Variants in ANKRD44 observed in about 807,000 individuals in gnomAD.
The protein encoded by ANKRD44 is serine/threonine-protein phosphatase 6 regulatory ankyrin repeat subunit B.
ANKRD44 carries 35 observed loss-of-function variants against 116.0 expected under a neutral mutation model. The ratio of observed to expected loss-of-function variants is 0.30; its 90% CI spans 0.23 to 0.40. The LOEUF is 0.40. Among genes scored for constraint, ANKRD44 ranks in the 10% least tolerant of loss-of-function variants. The pLI, the probability that ANKRD44 is intolerant of heterozygous loss-of-function variation, is 1.00. For synonymous variants in ANKRD44, 435 were observed against 461.8 expected (o/e 0.94, Z 0.74); for missense variants, 1,014 against 1,242.6 (o/e 0.82, Z 2.77).
chr2:197,122,682 C>T lies in ANKRD44; in HGVS notation c.661G>A (p.Val221Ile), dbSNP rs1559081488. The T allele has an allele frequency of 1.2e-6, 2 of 1,614,072 alleles. No individual in the cohort carries two copies. Among genetic ancestry groups the T allele is most frequent in the Admixed American group, 1.7e-5 (1 of 60,010 alleles). ...CCCAGGTTCAGGAGATGCTTGACAA[C>T]ATTAATCTGTCCATTGGAGGCTGCA... is the stretch of plus-strand genomic sequence containing the variant. ...HAAASNGQIN[V>I]VKHLLNLGVE... The change falls in exon 7 of 28, where the codon GTT becomes ATT. Residue 221 changes from valine (V) to isoleucine (I), a missense_variant. Physicochemically the swap from Val to Ile is conservative, Grantham distance 29. Coordinates refer to ENST00000282272, the MANE Select transcript of ANKRD44 (RefSeq NM_001195144.2).
chr2:197,113,994 G>T (rs2078651095), intron 8 of ANKRD44, among the ~76,000 whole-genome samples: 1 of 152,222 alleles, frequency 6.6e-6, no homozygotes, highest in South Asian at 2.1e-4. Context: ...GGGTGTAAAG[G>T]GAGCTCATTA....
Position 197,212,495 on chromosome 2 carries a change from C to T in ANKRD44, c.28-25389G>A, listed in dbSNP as rs375600824. Among the ~76,000 whole-genome samples the T allele has an allele frequency of 1.2e-4, 18 of 152,274 alleles. No individual in the cohort carries two copies. The highest frequency in any genetic ancestry group is 2.2e-4 in the African/African-American group (9 of 41,552). ...CATAAGTTTTAGAAGGGCAGGGATTCGGTCACTGTGGTCACCACTATATCC... is the reference window on the plus strand; with the variant it reads ...CATAAGTTTTAGAAGGGCAGGGATTTGGTCACTGTGGTCACCACTATATCC... On this transcript the variant is annotated intron_variant, in intron 1 of 27. Coordinates refer to ENST00000282272, the MANE Select transcript of ANKRD44 (RefSeq NM_001195144.2). The surrounding 1 kb of genome is among the most constrained non-coding windows in gnomAD (Gnocchi z 4.8).
chr2:197,263,474 T>C (rs910234461), intron 1 of ANKRD44: 2 of 422,718 alleles, frequency 4.7e-6, no homozygotes, highest in Admixed American at 3.5e-5. Flanking sequence ...GGCTTTACCC[T>C]CTAGGAAACC....
intron 1 of ANKRD44, among the ~76,000 whole-genome samples, chr2:197,209,973 G>C (rs2081290014): frequency 6.6e-6 from 1 of 152,182 alleles, no homozygotes; most frequent in South Asian, 2.1e-4. Flanking sequence ...GCAAAGCCAG[G>C]AACCGCACAG....
intron 10 of ANKRD44, among the ~76,000 whole-genome samples, chr2:197,091,217 C>T (rs2078036551): frequency 6.6e-6 from 1 of 152,228 alleles, no homozygotes; most frequent in Non-Finnish European, 1.5e-5. Context: ...CGCCTGGATG[C>T]TGCTGCAGAG....
At chr2:197,308,326 G>T (rs369133797) in intron 1 of ANKRD44, among the ~76,000 whole-genome samples, 2 of 152,280 alleles carry the variant, frequency 1.3e-5, no homozygotes, top group African/African-American at 4.8e-5. Context: ...TCTAGTAGTG[G>T]TCTAAGCAAA....
intron 16 of ANKRD44, among the ~76,000 whole-genome samples, chr2:197,053,331 T>C (rs1478670642): frequency 6.6e-6 from 1 of 152,222 alleles, no homozygotes; most frequent in African/African-American, 2.4e-5. Flanking sequence ...GGGATTTCTA[T>C]TTTCTTTTTA....
chr2:197,276,399 C>T (rs2083086000), intron 1 of ANKRD44, among the ~76,000 whole-genome samples: 1 of 151,518 alleles, frequency 6.6e-6, no homozygotes, highest in South Asian at 2.1e-4. Flanking sequence ...CTCTATAACA[C>T]ACCTGTATTG....
intron 1 of ANKRD44, among the ~76,000 whole-genome samples, chr2:197,236,757 G>A (rs1298990356): frequency 6.6e-6 from 1 of 151,248 alleles, no homozygotes. Flanking sequence ...AAGGATAGGA[G>A]AAAAAGAGAA....
intron 16 of ANKRD44, among the ~76,000 whole-genome samples, chr2:197,048,967 G>A (rs1232069993): frequency 2.0e-5 from 3 of 152,150 alleles, no homozygotes; most frequent in Non-Finnish European, 4.4e-5. Context: ...GTGTCTGTTG[G>A]CTGCATAAAT....
At chr2:197,263,112 T>G in intron 1 of ANKRD44, 2 of 472,054 alleles carry the variant, frequency 4.2e-6, no homozygotes, top group South Asian at 3.8e-5. Flanking sequence ...CCCCTGAAAA[T>G]GTACACCTGC....
intron 16 of ANKRD44, among the ~76,000 whole-genome samples, chr2:197,030,621 T>C (rs1053844119): frequency 6.6e-5 from 10 of 152,150 alleles, no homozygotes; most frequent in Admixed American, 2.0e-4. Context: ...GGCAGCCCCC[T>C]GACAGTCCAG....
intron 8 of ANKRD44, among the ~76,000 whole-genome samples, chr2:197,114,936 C>CTTACT (rs2078673222): frequency 2.6e-5 from 4 of 152,196 alleles, no homozygotes; most frequent in African/African-American, 9.7e-5. Flanking sequence ...TCACTCATTC[C>CTTACT]TCTCCTTTCC....
intron 1 of ANKRD44, among the ~76,000 whole-genome samples, chr2:197,200,691 A>G (rs2081073781): frequency 6.6e-6 from 1 of 152,132 alleles, no homozygotes; most frequent in Admixed American, 6.5e-5. Flanking sequence ...CCTTCAAACA[A>G]CAGTAGTCAT....
intron 1 of ANKRD44, among the ~76,000 whole-genome samples, chr2:197,269,018 T>C (rs2082816307): frequency 6.6e-6 from 1 of 151,430 alleles, no homozygotes; most frequent in Non-Finnish European, 1.5e-5. Flanking sequence ...AAGAAATGCA[T>C]ACTCAAAAAA....
At chr2:197,007,473 A>T (rs1366433000) in intron 20 of ANKRD44, among the ~76,000 whole-genome samples, 3 of 151,342 alleles carry the variant, frequency 2.0e-5, no homozygotes, top group Admixed American at 1.3e-4. Context: ...TCTGGGCTTT[A>T]AAAAAAAATA....
chr2:197,278,323 T>C (rs1005675521), intron 1 of ANKRD44, among the ~76,000 whole-genome samples: 4 of 151,934 alleles, frequency 2.6e-5, no homozygotes, highest in Non-Finnish European at 4.4e-5. Flanking sequence ...TTATTCTGCA[T>C]CCTAAATGTG....
chr2:196,986,872 G>C lies in ANKRD44; in HGVS notation c.*2719C>G, dbSNP rs2075843235. The C allele has an allele frequency of 1.0e-6, 1 of 985,182 alleles. No homozygotes were observed. The highest frequency in any genetic ancestry group is 1.7e-5 in the African/African-American group (1 of 57,208). 61.0% of individuals were successfully genotyped at this position (985,182 alleles called of 1,614,324 possible). A position where few individuals can be genotyped will look rare whatever the true frequency, so the allele number is the denominator to read the frequency against. On this transcript the variant is annotated 3_prime_UTR_variant, in exon 28 of 28. Transcript: ENST00000282272. ...ATTTTTACAGTCATGACATTTACCA[G>C]AGTCATTCAACTCCAATTTACATAA...
Position 197,273,208 on chromosome 2 carries a change from A to T in ANKRD44, c.27+37370T>A, listed in dbSNP as rs997698148. On this transcript the variant is annotated intron_variant, in intron 1 of 27. Coordinates refer to ENST00000282272, the MANE Select transcript of ANKRD44 (RefSeq NM_001195144.2). ...AAGGAAAGAAGTCGCAGAGTGAAAG[A>T]GACTGAAGAAAGATGAGGAGAAATT... 4.6e-5 allele frequency among the ~76,000 whole-genome samples: 7 copies of T among 152,246 alleles called. 1 individual carries two copies. The highest frequency in any genetic ancestry group is 2.0e-4 in the Admixed American group (3 of 15,288).
Sources: gnomAD v4.1 joint callset for allele counts (sites outside exome capture counted in the v4.1 genomes callset) on GRCh38, gnomAD v4.1.1 for gene constraint, Gnocchi (gnomAD v3.1) non-coding constraint, MANE v1.5 for transcripts, NCBI Gene and HGNC (gene_info 2026-07-23, HGNC 2026-07-21) for gene names.